Variants in NEBL observed in about 807,000 individuals in gnomAD.
The protein encoded by NEBL is nebulette.
In NEBL, 122 loss-of-function variants were observed where a neutral mutation model predicts 140.2. The observed-to-expected ratio is 0.87, with a 90% CI of 0.75 to 1.01. The LOEUF (loss-of-function observed/expected upper bound fraction) is 1.01. Ranked by LOEUF, NEBL falls within the 50% of genes least tolerant of loss-of-function variation. The probability of loss-of-function intolerance (pLI) is 0.00; values close to 1 mark genes in which losing one functional copy is unlikely to be tolerated. For synonymous variants in NEBL, 436 were observed against 398.9 expected (o/e 1.09, Z -1.11); for missense variants, 1,365 against 1,231.3 (o/e 1.11, Z -1.62).
At chr10:21,281,201 C>T (rs1225427361) in intron 1 of NEBL, among the ~76,000 whole-genome samples, 1 of 152,158 alleles carries the variant, frequency 6.6e-6, no homozygotes, top group Admixed American at 6.6e-5. Flanking sequence ...TGAACTACTT[C>T]CTCCTTTTAT....
chr10:20,987,396 C>T (rs1244563360), intron 3 of NEBL, among the ~76,000 whole-genome samples: 1 of 152,136 alleles, frequency 6.6e-6, no homozygotes, highest in Non-Finnish European at 1.5e-5. Flanking sequence ...GGATGACACA[C>T]CCATTACTCC....
chr10:21,132,008 TTA>T (rs1839134045), intron 2 of NEBL, among the ~76,000 whole-genome samples: 1 of 147,312 alleles, frequency 6.8e-6, no homozygotes, highest in African/African-American at 2.6e-5. Context: ...ACCATAAAAT[TTA>T]TCTTTTTAAA....
chr10:21,227,375 T>G (rs1472907763), intron 3 of NEBL, among the ~76,000 whole-genome samples: 2 of 152,234 alleles, frequency 1.3e-5, no homozygotes, highest in Admixed American at 6.5e-5. Flanking sequence ...GATATATAAA[T>G]AAGTAATGTT....
chr10:20,986,165 G>C (rs973721305), intron 3 of NEBL, among the ~76,000 whole-genome samples: 2 of 152,150 alleles, frequency 1.3e-5, no homozygotes, highest in Non-Finnish European at 2.9e-5. Context: ...ATGCAGTTGT[G>C]TATAGGTGCT....
intron 2 of NEBL, among the ~76,000 whole-genome samples, chr10:21,134,825 T>C (rs1839275842): frequency 6.6e-6 from 1 of 152,222 alleles, no homozygotes; most frequent in Non-Finnish European, 1.5e-5. Flanking sequence ...TGTAAGAACA[T>C]TGTTCTCTTC....
At chr10:20,930,869 G>C (rs865811173) in intron 4 of NEBL, among the ~76,000 whole-genome samples, 1 of 152,160 alleles carries the variant, frequency 6.6e-6, no homozygotes, top group South Asian at 2.1e-4. Context: ...ATTCAAAGTA[G>C]GCAATATTGT....
intron 3 of NEBL, among the ~76,000 whole-genome samples, chr10:20,975,555 TCAAA>T (rs1206402559): frequency 6.6e-6 from 1 of 152,164 alleles, no homozygotes; most frequent in Non-Finnish European, 1.5e-5. Flanking sequence ...TTAAATAAAC[TCAAA>T]CAAAACTACC....
intron 26 of NEBL, among the ~76,000 whole-genome samples, chr10:20,792,677 GTA>G (rs1836114572): frequency 6.6e-6 from 1 of 152,076 alleles, no homozygotes; most frequent in Admixed American, 6.5e-5. Context: ...GCAGGTACCT[GTA>G]ATCCCAGCTA....
intron 26 of NEBL, among the ~76,000 whole-genome samples, chr10:20,796,190 C>A (rs1836500205): frequency 6.6e-6 from 1 of 151,648 alleles, no homozygotes; most frequent in African/African-American, 2.4e-5. Context: ...ACAGTGAAAT[C>A]ACACCTCTAC....
chr10:21,163,650 T>C (rs1280253497), intron 2 of NEBL, among the ~76,000 whole-genome samples: 1 of 152,224 alleles, frequency 6.6e-6, no homozygotes, highest in East Asian at 1.9e-4. Flanking sequence ...GCACCTGCCT[T>C]TGATGGATAA....
At chr10:21,092,929 C>T (rs996210418) in intron 2 of NEBL, among the ~76,000 whole-genome samples, 2 of 152,070 alleles carry the variant, frequency 1.3e-5, no homozygotes, top group African/African-American at 2.4e-5. Flanking sequence ...TAAAGTCTTT[C>T]TGGAACTTTC....
chr10:21,285,317 A>G (rs1843041687), intron 1 of NEBL, among the ~76,000 whole-genome samples: 2 of 152,152 alleles, frequency 1.3e-5, no homozygotes, highest in Non-Finnish European at 2.9e-5. Context: ...CATCCCTCCT[A>G]TTCTATTCGA....
intron 2 of NEBL, among the ~76,000 whole-genome samples, chr10:21,063,265 A>C (rs1835382101): frequency 1.3e-5 from 2 of 152,150 alleles, no homozygotes; most frequent in African/African-American, 4.8e-5. Flanking sequence ...CCACGTGCTC[A>C]CTTGTCATAT....
At chr10:21,119,181 C>T (rs1434397915) in intron 2 of NEBL, among the ~76,000 whole-genome samples, 1 of 152,110 alleles carries the variant, frequency 6.6e-6, no homozygotes, top group Non-Finnish European at 1.5e-5. Flanking sequence ...AATAACATGT[C>T]ATTTTCTCAT....
At chr10:20,842,365 T>C (rs2130983968) in intron 12 of NEBL, among the ~76,000 whole-genome samples, 1 of 152,190 alleles carries the variant, frequency 6.6e-6, no homozygotes, top group Middle Eastern at 3.4e-3. Flanking sequence ...ATACTTGTTC[T>C]AGTAATGTCA....
At chr10:20,793,368 C>A in intron 26 of NEBL, 2 of 978,232 alleles carry the variant, frequency 2.0e-6, no homozygotes, top group Non-Finnish European at 2.4e-6. Context: ...TCAGCAGGAG[C>A]AACAAACCCT....
chr10:20,792,721 A>G (rs566439943), intron 26 of NEBL, among the ~76,000 whole-genome samples: 248 of 151,836 alleles, frequency 1.6e-3, no homozygotes, highest in African/African-American at 5.8e-3. Context: ...AATTGTTTGA[A>G]CCTGTGAAGA....
intron 12 of NEBL, chr10:20,841,238 G>T: frequency 5.6e-6 from 1 of 178,604 alleles, no homozygotes; most frequent in Non-Finnish European, 1.2e-5. Context: ...CAAAAGAATG[G>T]AAAATTACAA....
intron 3 of NEBL, among the ~76,000 whole-genome samples, chr10:20,969,499 C>T (rs1418952727): frequency 7.1e-6 from 1 of 140,608 alleles, no homozygotes; most frequent in African/African-American, 2.6e-5. Flanking sequence ...TTTTTTTATT[C>T]TAAACAAAAA....
Sources: gnomAD v4.1 joint callset for allele counts (sites outside exome capture counted in the v4.1 genomes callset) on GRCh38, gnomAD v4.1.1 for gene constraint, MANE v1.5 for transcripts, NCBI Gene and HGNC (gene_info 2026-07-23, HGNC 2026-07-21) for gene names.